ACOT9: variants seen among roughly 807,000 people sequenced by gnomAD.
The protein encoded by ACOT9 is acyl-CoA thioesterase 9.
A neutral mutation model predicts 39.7 loss-of-function variants in ACOT9; 34 were observed. The observed-to-expected ratio is 0.86, with a 90% CI of 0.65 to 1.14. The LOEUF (loss-of-function observed/expected upper bound fraction) is 1.14. Among genes scored for constraint, ACOT9 ranks in the 50% most tolerant of loss-of-function variants. The pLI is 0.00. For synonymous variants in ACOT9, 110 were observed against 120.5 expected, an observed-to-expected ratio of 0.91 and a Z score of 0.57; for missense variants, 313 against 344.1, an observed-to-expected ratio of 0.91 and a Z score of 0.71.
intron 8 of ACOT9, among the ~76,000 whole-genome samples, chrX:23,713,670 C>T (rs1928983036): frequency 9.1e-6 from 1 of 110,407 alleles, no homozygotes; most frequent in African/African-American, 3.3e-5. Flanking sequence ...CCAGGCACAG[C>T]ACTAGGCTCT....
intron 4 of ACOT9, among the ~76,000 whole-genome samples, chrX:23,731,461 A>G (rs767398882): frequency 1.2e-5 from 1 of 86,404 alleles, no homozygotes; most frequent in South Asian, 6.2e-4. Context: ...TGGGCAACAG[A>G]GCAAGACTGT....
intron 4 of ACOT9, 47 bp from the exon 5 acceptor site, chrX:23,731,033 C>T (rs751013616): frequency 1.4e-5 from 15 of 1,108,337 alleles, no homozygotes; most frequent in African/African-American, 1.1e-4. Flanking sequence ...CAGTTCTAGC[C>T]CACAATTCCA....
At chrX:23,731,055 G>A in intron 4 of ACOT9, 69 bp from the exon 5 acceptor site, 1 of 938,316 alleles carries the variant, frequency 1.1e-6, no homozygotes, top group Non-Finnish European at 1.5e-6. Context: ...TGGTACACAG[G>A]CCAGTAAGAT....
In ACOT9 at chrX:23,725,221, AG is replaced by A. The variant is rs777449021; in HGVS notation, c.401-2469del. ...CGCGGTGGCTCACACCTGTAATCCC[AG>A]CACTTTGGGAGGCCGAGGTGGGGGG... is the stretch of plus-strand genomic sequence containing the variant. On this transcript the variant is annotated intron_variant, in intron 6 of 15. Coordinates refer to ENST00000379303, the MANE Select transcript of ACOT9 (RefSeq NM_001037171.2). Among the ~76,000 whole-genome samples the A allele has an allele frequency of 4.0e-3, 440 of 111,040 alleles. 1 individual carries two copies. Among genetic ancestry groups the A allele is most frequent in the Non-Finnish European group, 6.3e-3 (334 of 52,982 alleles).
chrX:23,727,571 T>C (rs1929577920), intron 6 of ACOT9, among the ~76,000 whole-genome samples: 1 of 109,946 alleles, frequency 9.1e-6, no homozygotes, highest in Non-Finnish European at 1.9e-5. Context: ...GCGATCCTCC[T>C]GCCTCGATCT....
intron 1 of ACOT9, among the ~76,000 whole-genome samples, chrX:23,736,755 G>C (rs980685167): frequency 1.8e-5 from 2 of 110,708 alleles, no homozygotes; most frequent in Non-Finnish European, 3.8e-5. Flanking sequence ...GGAGGTCGAG[G>C]CTGCAGTGAG....
At chrX:23,705,447 C>T in intron 13 of ACOT9, 62 bp downstream of exon 13, 1 of 947,760 alleles carries the variant, frequency 1.1e-6, no homozygotes, top group Non-Finnish European at 1.5e-6. Context: ...CGAAATGTTT[C>T]ATTTCAGTGG....
intron 11 of ACOT9, among the ~76,000 whole-genome samples, 190 bp downstream of exon 11, chrX:23,706,438 A>G (rs943036009): frequency 9.4e-6 from 1 of 106,867 alleles, no homozygotes; most frequent in Non-Finnish European, 1.9e-5. Flanking sequence ...GCATGCCTAT[A>G]ATCCCAGCTA....
At chrX:23,716,909 C>A (rs1310904649) in intron 8 of ACOT9, among the ~76,000 whole-genome samples, 1 of 110,592 alleles carries the variant, frequency 9.0e-6, no homozygotes, top group African/African-American at 3.3e-5. Flanking sequence ...GGCTGGGGTG[C>A]AGTGGCGCTA....
At chrX:23,728,723 A>G (rs1188160754) in intron 6 of ACOT9, among the ~76,000 whole-genome samples, 1 of 111,893 alleles carries the variant, frequency 8.9e-6, no homozygotes, top group Non-Finnish European at 1.9e-5. Flanking sequence ...ACATATCTCC[A>G]TTTCAAAATA....
At chrX:23,720,060 C>G (rs753728128) in intron 8 of ACOT9, among the ~76,000 whole-genome samples, 1,431 of 112,485 alleles carry the variant, frequency 0.013, 26 homozygotes, top group African/African-American at 0.045. Flanking sequence ...GTCTCGATCT[C>G]CTGACCTGGT....
At chrX:23,741,599 G>A (rs1393056527) in intron 1 of ACOT9, among the ~76,000 whole-genome samples, 1 of 112,239 alleles carries the variant, frequency 8.9e-6, no homozygotes, top group Non-Finnish European at 1.9e-5. Context: ...ACCAGTCAAA[G>A]AACCTAATCA....
In ACOT9 at chrX:23,707,873, G is replaced by A. The variant is rs1366243991; in HGVS notation, c.730+4C>T. 5.1e-6 allele frequency: 6 copies of A among 1,173,758 alleles called. No individual in the cohort carries two copies. The highest frequency in any genetic ancestry group is 3.5e-5 in the African/African-American group (2 of 56,383). On this transcript the variant is annotated splice_donor_region_variant and intron_variant, in intron 10 of 15. Coordinates refer to ENST00000379303, the MANE Select transcript of ACOT9 (RefSeq NM_001037171.2). ...TTTATTTTATTATAAACAAATTAAT[G>A]TACATTCCCCTTGTCTAAAGAGCTC...
chrX:23,740,305 C>T (rs979552635), intron 1 of ACOT9, among the ~76,000 whole-genome samples: 1 of 109,776 alleles, frequency 9.1e-6, no homozygotes, highest in Non-Finnish European at 1.9e-5. Context: ...CAGGGCTTCA[C>T]CATGTTGACC....
chrX:23,710,519 T>C (rs1314363732), intron 9 of ACOT9, among the ~76,000 whole-genome samples: 1 of 112,095 alleles, frequency 8.9e-6, no homozygotes, highest in East Asian at 2.8e-4. Context: ...ATGGCTGCAA[T>C]TTATTGAAAT....
intron 1 of ACOT9, among the ~76,000 whole-genome samples, chrX:23,736,481 T>C: frequency 8.9e-6 from 1 of 112,197 alleles, no homozygotes; most frequent in Non-Finnish European, 1.9e-5. Flanking sequence ...AGAAAGTATT[T>C]ATTTAACTTA....
In ACOT9 at chrX:23,706,606, C is replaced by T. The variant is rs186601840; in HGVS notation, c.842+22G>A. 223 of 857,796 alleles carry T rather than the reference C, an allele frequency of 2.6e-4. No individual in the cohort carries two copies. In the African/African-American group the frequency reaches 2.8e-3, roughly 11 times the overall value. 70.7% of individuals were successfully genotyped at this position (857,796 alleles called of 1,213,427 possible). ...GGCCAAGGTTTAAATGTTTTCCCAA[C>T]GTGGAATCTCACCATCCTTACTTTG... On this transcript the variant is annotated intron_variant, in intron 11 of 15. Transcript: ENST00000379303.
intron 8 of ACOT9, among the ~76,000 whole-genome samples, chrX:23,717,679 G>A (rs1364564462): frequency 1.8e-5 from 2 of 111,305 alleles, no homozygotes; most frequent in African/African-American, 3.3e-5. Flanking sequence ...TGGAACTTGA[G>A]GTAGCAACAG....
chrX:23,724,134 C>A (rs1301953243), intron 6 of ACOT9, among the ~76,000 whole-genome samples: 1 of 110,838 alleles, frequency 9.0e-6, no homozygotes, highest in African/African-American at 3.3e-5. Context: ...TGTGGTGGCA[C>A]ATGCCTGTAG....
Sources: gnomAD v4.1 joint callset for allele counts (sites outside exome capture counted in the v4.1 genomes callset) on GRCh38, gnomAD v4.1.1 for gene constraint, MANE v1.5 for transcripts, NCBI Gene and HGNC (gene_info 2026-07-23, HGNC 2026-07-21) for gene names.